The following RAB11FIP4 variants were observed in gnomAD, a reference collection of about 807,000 sequenced individuals.
The protein encoded by RAB11FIP4 is RAB11 family interacting protein 4, also known as rab11 family-interacting protein 4.
RAB11FIP4 carries 23 observed loss-of-function variants against 74.3 expected under a neutral mutation model. The ratio of observed to expected loss-of-function variants is 0.31; its 90% CI spans 0.22 to 0.44. The LOEUF is 0.44. Ranked by LOEUF, RAB11FIP4 falls within the 20% of genes least tolerant of loss-of-function variation. RAB11FIP4 has a pLI of 1.00. For missense variants in RAB11FIP4, 630 were observed against 863.9 expected (o/e 0.73, Z 3.39); for synonymous variants, 360 against 359.9 (o/e 1.00, Z 0.00).
chr17:31,445,578 ATTTTTTTTTTTTTT>A (rs61393689), intron 3 of RAB11FIP4, among the ~76,000 whole-genome samples: 13 of 16,262 alleles, frequency 8.0e-4, no homozygotes, highest in African/African-American at 2.8e-3. Flanking sequence ...ATATATATAT[ATTTTTTTTTTTTTT>A]TTTTTTTTTT....
In RAB11FIP4 at chr17:31,447,117, C is replaced by T. The variant is rs559790280; in HGVS notation, c.336+12995C>T. 9.5e-3 allele frequency among the ~76,000 whole-genome samples: 1,440 copies of T among 152,178 alleles called. 14 individuals are homozygous for T. The highest frequency in any genetic ancestry group is 0.032 in the African/African-American group (1,345 of 41,534). ...GGCTAACACGGTGAAACCCCGTCTCCACTAAAAATACAAAAAATTAGCCGG... is the reference window on the plus strand; with the variant it reads ...GGCTAACACGGTGAAACCCCGTCTCTACTAAAAATACAAAAAATTAGCCGG... On this transcript the variant is annotated intron_variant, in intron 3 of 14. Transcript: ENST00000621161.
At chr17:31,493,722 T>C (rs967138165) in intron 3 of RAB11FIP4, among the ~76,000 whole-genome samples, 1 of 152,136 alleles carries the variant, frequency 6.6e-6, no homozygotes, top group Non-Finnish European at 1.5e-5. Context: ...TCGCTAGTTG[T>C]GGAACTTTGG....
intron 1 of RAB11FIP4, among the ~76,000 whole-genome samples, chr17:31,394,502 C>T (rs1383385213): frequency 6.6e-6 from 1 of 151,988 alleles, no homozygotes; most frequent in South Asian, 2.1e-4. Context: ...ATTCCTTTTT[C>T]TTTTCTTTTC....
chr17:31,418,695 G>A (rs2071171298), intron 1 of RAB11FIP4, among the ~76,000 whole-genome samples: 2 of 152,066 alleles, frequency 1.3e-5, no homozygotes, highest in Admixed American at 6.6e-5. Flanking sequence ...GAACTCCTGA[G>A]CTCAAGCGAT....
chr17:31,506,549 A>G (rs1597965941), intron 3 of RAB11FIP4, among the ~76,000 whole-genome samples: 1 of 151,908 alleles, frequency 6.6e-6, no homozygotes, highest in Admixed American at 6.6e-5. Context: ...CCCTTCTCCT[A>G]CCCTCTCCAG....
At chr17:31,470,770 A>G (rs754989960) in intron 3 of RAB11FIP4, among the ~76,000 whole-genome samples, 32 of 152,238 alleles carry the variant, frequency 2.1e-4, no homozygotes, top group Non-Finnish European at 5.9e-5. Context: ...ACTGAGGCTC[A>G]GAGAGGCAAG....
intron 3 of RAB11FIP4, among the ~76,000 whole-genome samples, chr17:31,491,992 G>A (rs947073615): frequency 1.3e-5 from 2 of 152,176 alleles, no homozygotes; most frequent in Admixed American, 6.5e-5. Flanking sequence ...CAAAGGGCAC[G>A]CCGGCGATGT....
At chr17:31,505,583 TAATA>T (rs2072320708) in intron 3 of RAB11FIP4, among the ~76,000 whole-genome samples, 1 of 79,104 alleles carries the variant, frequency 1.3e-5, no homozygotes, top group Non-Finnish European at 2.3e-5. Flanking sequence ...TAATATATAA[TAATA>T]ATTATATATT....
chr17:31,434,792 G>A (rs1238711078), intron 3 of RAB11FIP4, among the ~76,000 whole-genome samples: 2 of 152,248 alleles, frequency 1.3e-5, no homozygotes, highest in African/African-American at 4.8e-5. Flanking sequence ...GACAGGGTAT[G>A]GGGAGCAGGG....
intron 1 of RAB11FIP4, among the ~76,000 whole-genome samples, chr17:31,401,297 C>A (rs1469480812): frequency 6.6e-6 from 1 of 151,400 alleles, no homozygotes. Flanking sequence ...AAATGCCAGG[C>A]TTGCCCCAGC....
chr17:31,484,385 TA>T (rs1214587080), intron 3 of RAB11FIP4, among the ~76,000 whole-genome samples: 5 of 149,348 alleles, frequency 3.3e-5, no homozygotes, highest in African/African-American at 2.5e-5. Flanking sequence ...ATTGTCTCTT[TA>T]AAAAAAAAAA....
At chr17:31,493,045 G>C (rs1294159733) in intron 3 of RAB11FIP4, among the ~76,000 whole-genome samples, 3 of 152,158 alleles carry the variant, frequency 2.0e-5, no homozygotes, top group East Asian at 3.9e-4. Context: ...ATGGCCCAGA[G>C]CTGTGGGGTC....
At chr17:31,504,746 G>C (rs935844304) in intron 3 of RAB11FIP4, among the ~76,000 whole-genome samples, 2 of 151,988 alleles carry the variant, frequency 1.3e-5, no homozygotes, top group African/African-American at 4.8e-5. Context: ...CATCCTCCTT[G>C]TTTATCCTCA....
chr17:31,528,014 C>A, intron 11 of RAB11FIP4, 91 bp downstream of exon 11: 1 of 992,976 alleles, frequency 1.0e-6, no homozygotes, highest in Non-Finnish European at 1.5e-6. Context: ...ATGCCGCACC[C>A]CCTAAGAAAT....
At chr17:31,431,727 C>T (rs1423918402) in intron 1 of RAB11FIP4, 86 bp from the exon 2 acceptor site, 1 of 752,056 alleles carries the variant, frequency 1.3e-6, no homozygotes, top group Non-Finnish European at 2.4e-6. Context: ...GGTGTCCCTC[C>T]CTCCCTCCCA....
intron 2 of RAB11FIP4, among the ~76,000 whole-genome samples, chr17:31,432,354 CTCT>C (rs2071318732): frequency 6.7e-6 from 1 of 149,992 alleles, no homozygotes; most frequent in Admixed American, 6.7e-5. Flanking sequence ...CTCCCGCCTC[CTCT>C]TTTTTTTTTT....
intron 3 of RAB11FIP4, among the ~76,000 whole-genome samples, chr17:31,484,074 T>TTC (rs1444873170): frequency 7.0e-6 from 1 of 142,008 alleles, no homozygotes; most frequent in Non-Finnish European, 1.5e-5. Context: ...ATCTTATCTT[T>TTC]TTTTTTTTTT....
intron 3 of RAB11FIP4, among the ~76,000 whole-genome samples, chr17:31,513,978 C>T (rs887333405): frequency 5.3e-5 from 8 of 152,194 alleles, no homozygotes; most frequent in African/African-American, 1.7e-4. Context: ...CCAGGCAGCT[C>T]GCACGGGGCT....
chr17:31,402,603 T>TTTATTTA (rs920246503), intron 1 of RAB11FIP4, among the ~76,000 whole-genome samples: 1 of 141,042 alleles, frequency 7.1e-6, no homozygotes, highest in Non-Finnish European at 1.6e-5. Context: ...TTTATTTTTA[T>TTTATTTA]TTATTTATTT....
Sources: gnomAD v4.1 joint callset for allele counts (sites outside exome capture counted in the v4.1 genomes callset) on GRCh38, gnomAD v4.1.1 for gene constraint, MANE v1.5 for transcripts, NCBI Gene and HGNC (gene_info 2026-07-23, HGNC 2026-07-21) for gene names.